The following EFR3A variants were observed in gnomAD, a reference collection of about 807,000 sequenced individuals.
EFR3A encodes the protein EFR3 homolog A, also known as protein EFR3 homolog A.
In EFR3A, 76 loss-of-function variants were observed where a neutral mutation model predicts 104.4. That is an observed-to-expected ratio of 0.73 (90% CI 0.60 to 0.88). The LOEUF (loss-of-function observed/expected upper bound fraction) is 0.88. EFR3A is among the 40% of genes least tolerant of loss of function. The pLI, the probability that EFR3A is intolerant of heterozygous loss-of-function variation, is 0.00. For synonymous variants in EFR3A, 330 were observed against 330.0 expected, an observed-to-expected ratio of 1.00 and a Z score of 0.00; for missense variants, 985 against 1,012.5, an observed-to-expected ratio of 0.97 and a Z score of 0.37.
Position 132,001,789 on chromosome 8 carries a change from G to A in EFR3A, c.2188G>A (p.Ala730Thr). The A allele has an allele frequency of 1.9e-6, 3 of 1,613,322 alleles. No homozygotes were observed. The South Asian group carries it at 3.3e-5, about 18-fold the overall frequency. ...VSNTEEITFE[A>T]LKKAIDTSGM... ...TAACACTGAAGAAATCACTTTTGAA[G>A]CATTGAAGAAAGCAATTGGTGAGAT... Residue 730 changes from alanine to threonine, a missense_variant, in exon 20 of 23, where the codon GCA becomes ACA. Transcript: ENST00000254624.
intron 4 of EFR3A, among the ~76,000 whole-genome samples, chr8:131,948,434 G>A (rs1477953018): frequency 2.0e-5 from 3 of 152,110 alleles, no homozygotes; most frequent in Admixed American, 6.6e-5. Context: ...TAGTAAGAGC[G>A]TTAAATAAAC....
Position 131,984,304 on chromosome 8 carries a change from T to C in EFR3A, c.1737+4T>C. 6.3e-7 allele frequency: 1 copy of C among 1,577,952 alleles called. No homozygotes were observed. The highest frequency in any genetic ancestry group is 8.6e-7 in the Non-Finnish European group (1 of 1,164,144). ...TCGACTGGCCATTGCTTTACAGGTA[T>C]GCTTTCATAACCGTTCACTGCAGAA... On this transcript the variant is annotated splice_donor_region_variant and intron_variant, in intron 15 of 22. Transcript: ENST00000254624.
At chr8:131,943,624 A>G (rs944810386) in intron 2 of EFR3A, among the ~76,000 whole-genome samples, 1 of 151,932 alleles carries the variant, frequency 6.6e-6, no homozygotes, top group African/African-American at 2.4e-5. Flanking sequence ...GGTCCAGATA[A>G]TTACTTACTT....
At chr8:131,923,810 T>G (rs1003085341) in intron 1 of EFR3A, among the ~76,000 whole-genome samples, 2 of 152,108 alleles carry the variant, frequency 1.3e-5, no homozygotes, top group South Asian at 2.1e-4. Flanking sequence ...CCAAAACATC[T>G]GTCTCTTCAG....
At chr8:131,926,001 A>T (rs956636772) in intron 1 of EFR3A, among the ~76,000 whole-genome samples, 2 of 152,108 alleles carry the variant, frequency 1.3e-5, no homozygotes, top group African/African-American at 4.8e-5. Context: ...CAAGGTCAGT[A>T]ATCACACTGT....
chr8:131,924,041 C>T, intron 1 of EFR3A: 1 of 347,818 alleles, frequency 2.9e-6, no homozygotes, highest in Non-Finnish European at 5.9e-6. Flanking sequence ...CTGATACTTA[C>T]TGTAATTGCT....
chr8:132,002,536 C>G, intron 20 of EFR3A, 67 bp from the exon 21 acceptor site: 1 of 1,301,528 alleles, frequency 7.7e-7, no homozygotes, highest in African/African-American at 1.5e-5. Context: ...TAACTCTTAA[C>G]GGTCATTGAC....
intron 1 of EFR3A, among the ~76,000 whole-genome samples, chr8:131,913,690 A>G (rs1816626776): frequency 6.6e-6 from 1 of 152,128 alleles, no homozygotes; most frequent in Admixed American, 6.5e-5. Context: ...AGTGTTCTTC[A>G]CATCCCTGTT....
intron 1 of EFR3A, among the ~76,000 whole-genome samples, chr8:131,920,298 T>C (rs1816939525): frequency 6.6e-6 from 1 of 152,068 alleles, no homozygotes; most frequent in African/African-American, 2.4e-5. Flanking sequence ...TCTCTCCCCC[T>C]TTTCCTAAGA....
At chr8:131,998,687 A>T (rs1232711407) in intron 19 of EFR3A, among the ~76,000 whole-genome samples, 1 of 152,068 alleles carries the variant, frequency 6.6e-6, no homozygotes, top group East Asian at 1.9e-4. Context: ...AAATGTGCTG[A>T]TGCCATAAAA....
At position 131,907,912 on chromosome 8, in the gene EFR3A, C is replaced by T. The variant is rs566748270; in HGVS notation, c.10+3590C>T. Among the ~76,000 whole-genome samples the T allele has an allele frequency of 7.9e-5, 12 of 151,854 alleles. No individual in the cohort carries two copies. The South Asian group carries it at 2.5e-3, about 32-fold the overall frequency. On this transcript the variant is annotated intron_variant, in intron 1 of 22. Coordinates refer to ENST00000254624, the MANE Select transcript of EFR3A (RefSeq NM_015137.6). ...TGTAGCTGATGAATTTTCTTTTTTG[C>T]AGTGACCTTTGGCTTGACACTGCCC... is the stretch of plus-strand genomic sequence containing the variant.
At chr8:131,960,836 A>G (rs1241595516) in intron 8 of EFR3A, among the ~76,000 whole-genome samples, 2 of 152,182 alleles carry the variant, frequency 1.3e-5, no homozygotes, top group African/African-American at 4.8e-5. Context: ...GTACTCTGGG[A>G]TCAGACAGAG....
At chr8:131,968,489 G>A in intron 9 of EFR3A, 59 bp downstream of exon 9, 1 of 1,534,958 alleles carries the variant, frequency 6.5e-7, no homozygotes, top group South Asian at 1.1e-5. Flanking sequence ...TGTCCTTTCA[G>A]TATGCATAGC....
chr8:131,950,633 A>G (rs889118460), intron 5 of EFR3A, among the ~76,000 whole-genome samples: 10 of 152,044 alleles, frequency 6.6e-5, no homozygotes, highest in Non-Finnish European at 1.2e-4. Context: ...TTGCTCCTCT[A>G]TGGAATATAA....
intron 1 of EFR3A, chr8:131,924,312 T>C (rs1055326418): frequency 8.0e-6 from 2 of 249,442 alleles, no homozygotes; most frequent in African/African-American, 4.7e-5. Context: ...ATTAATTTTT[T>C]CACCAAGTAA....
chr8:131,959,389 G>A (rs1295105172), intron 7 of EFR3A, among the ~76,000 whole-genome samples, 196 bp from the exon 8 acceptor site: 1 of 152,088 alleles, frequency 6.6e-6, no homozygotes, highest in Non-Finnish European at 1.5e-5. Context: ...AACTACTTCT[G>A]GTCCACAGCA....
At chr8:132,008,339 A>G (rs1822148090) in intron 22 of EFR3A, among the ~76,000 whole-genome samples, 1 of 152,112 alleles carries the variant, frequency 6.6e-6, no homozygotes, top group Non-Finnish European at 1.5e-5. Context: ...CAAATTTAAG[A>G]TACCATTTTG....
At chr8:131,942,938 A>G (rs940695294) in intron 2 of EFR3A, among the ~76,000 whole-genome samples, 2 of 152,166 alleles carry the variant, frequency 1.3e-5, no homozygotes, top group African/African-American at 4.8e-5. Context: ...AGTGATAAAA[A>G]GCAGAGCAGT....
rs187732489 is a variant in EFR3A at position 131,966,089 on chromosome 8, A to G, written c.856-2206A>G. Among the ~76,000 whole-genome samples, 443 of 152,300 alleles carry G rather than the reference A, an allele frequency of 2.9e-3. 3 individuals carry two copies. Among genetic ancestry groups the G allele is most frequent in the Admixed American group, 0.02 (300 of 15,288 alleles). ...GGTGGGGTGAGGGGGAAGGGATAGC[A>G]TTAGGAGATATACCTAACGTAAATG... On this transcript the variant is annotated intron_variant, in intron 8 of 22. Coordinates refer to ENST00000254624, the MANE Select transcript of EFR3A (RefSeq NM_015137.6).
Sources: allele counts gnomAD v4.1 joint callset (sites outside exome capture counted in the v4.1 genomes callset), GRCh38; gene constraint gnomAD v4.1.1; transcripts MANE v1.5; gene names NCBI Gene and HGNC (gene_info 2026-07-23, HGNC 2026-07-21).